The following VCP variants were observed in gnomAD, a reference collection of about 807,000 sequenced individuals.
VCP encodes valosin containing protein, also known as transitional endoplasmic reticulum ATPase.
Under a neutral mutation model 85.7 loss-of-function variants are expected in VCP, and 6 were observed. The ratio of observed to expected loss-of-function variants is 0.07; its 90% CI spans 0.04 to 0.14. VCP has a LOEUF of 0.14. Ranked by LOEUF, VCP falls within the 10% of genes least tolerant of loss-of-function variation. The pLI, the probability that VCP is intolerant of heterozygous loss-of-function variation, is 1.00. For missense variants in VCP, 353 were observed against 1,043.4 expected, an observed-to-expected ratio of 0.34 and a Z score of 9.12; for synonymous variants, 384 against 367.1, an observed-to-expected ratio of 1.05 and a Z score of -0.53.
At position 35,059,491 on chromosome 9, in the gene VCP, G is replaced by A; in HGVS notation, c.2004+2C>T. 1 of 1,613,800 alleles carries A rather than the reference G, an allele frequency of 6.2e-7. No individual in the cohort carries two copies. Among genetic ancestry groups the A allele is most frequent in the Non-Finnish European group, 8.5e-7 (1 of 1,180,028 alleles). On this transcript the variant is annotated splice_donor_variant, in intron 14 of 16. Transcript: ENST00000358901. LOFTEE classifies it low-confidence loss of function (GC_TO_GT_DONOR). The surrounding 1 kb of genome is among the most constrained non-coding windows in gnomAD (Gnocchi z 4.9). ...TCCCACAGCCCATGATCTTGCACCT[G>A]CCTTGGCAACTGGGGACTTGCGCAG... is the stretch of plus-strand genomic sequence containing the variant.
In VCP at chr9:35,072,381, G is replaced by A; in HGVS notation, c.-28C>T. On this transcript the variant is annotated 5_prime_UTR_variant, in exon 1 of 17. Coordinates refer to ENST00000358901, the MANE Select transcript of VCP (RefSeq NM_007126.5). ...CGCGCGCCTCTCCCGGCCGGCGGCT[G>A]TGGCGGCCCGCGGGTAACGGCTACG... 1.4e-6 allele frequency: 2 copies of A among 1,474,086 alleles called. No individual in the cohort carries two copies. The highest frequency in any genetic ancestry group is 8.9e-7 in the Non-Finnish European group (1 of 1,118,988). The allele number at this position is 1,474,086 out of a possible 1,614,324, so 91.3% of individuals were successfully genotyped here. A position where few individuals can be genotyped will look rare whatever the true frequency, so the allele number is the denominator to read the frequency against.
intron 15 of VCP, 69 bp from the exon 16 acceptor site, chr9:35,057,599 A>T (rs916035034): frequency 6.3e-7 from 1 of 1,589,668 alleles, no homozygotes; most frequent in Admixed American, 1.7e-5. Context: ...CAGGCCTCCC[A>T]TTACTGCAGT....
intron 3 of VCP, among the ~76,000 whole-genome samples, chr9:35,067,391 C>T (rs1239483842): frequency 2.0e-5 from 3 of 152,100 alleles, no homozygotes; most frequent in Admixed American, 6.5e-5. Context: ...AAATCACTCA[C>T]ATTGAGAGCT....
chr9:35,067,935 T>C lies in VCP; in HGVS notation c.258A>G (p.Arg86=), dbSNP rs1563980979. 8 of 1,614,160 alleles carry C rather than the reference T, an allele frequency of 5.0e-6. No homozygotes were observed. The highest frequency in any genetic ancestry group is 6.8e-6 in the Non-Finnish European group (8 of 1,180,036). The stretch of plus-strand genomic sequence containing the variant: ...GTACACGAAGGTTATTCCGAACAAC[T>C]CTATTCATCCGAATCTTCTCATCAG... The part of the protein sequence containing the change: ...TCSDEKIRMN[R]VVRNNLRVRL... The change falls in exon 3 of 17, where the codon AGA becomes AGG. Residue 86 remains arginine, a synonymous_variant. Coordinates refer to ENST00000358901, the MANE Select transcript of VCP (RefSeq NM_007126.5).
intron 15 of VCP, among the ~76,000 whole-genome samples, chr9:35,058,206 G>A (rs1179752812): frequency 6.6e-6 from 1 of 152,170 alleles, no homozygotes; most frequent in Non-Finnish European, 1.5e-5. Flanking sequence ...TAGTTCATCA[G>A]TAGTTGTTAA....
intron 1 of VCP, among the ~76,000 whole-genome samples, chr9:35,069,652 ATGG>A (rs1828901616): frequency 6.6e-6 from 1 of 152,126 alleles, no homozygotes; most frequent in Admixed American, 6.5e-5. Context: ...GGGTTTCACC[ATGG>A]TGGTCAGGCT....
At chr9:35,064,900 C>A (rs1191568773) in intron 5 of VCP, among the ~76,000 whole-genome samples, 1 of 152,178 alleles carries the variant, frequency 6.6e-6, no homozygotes, top group African/African-American at 2.4e-5. Flanking sequence ...CAGAGTCTCA[C>A]TCTGTCACCC....
intron 7 of VCP, among the ~76,000 whole-genome samples, 190 bp from the exon 8 acceptor site, chr9:35,062,540 C>A (rs1249550258): frequency 6.6e-6 from 1 of 152,160 alleles, no homozygotes; most frequent in Non-Finnish European, 1.5e-5. Context: ...GAGAGAAGCC[C>A]AGGGACTCAC....
At position 35,061,670 on chromosome 9, in the gene VCP, T is replaced by G; in HGVS notation, c.1101A>C (p.Val367=). The change falls in exon 10 of 17, where the codon GTA becomes GTC. Residue 367 remains valine, a synonymous_variant. Transcript: ENST00000358901. ...LRRFGRFDRE[V]DIGIPDATGR... Reference sequence around the variant, plus strand: ...CTGTAGCATCAGGAATTCCAATATCTACCTCCCTGTCAAAGCGACCTGTGG... The same window carrying G: ...CTGTAGCATCAGGAATTCCAATATCGACCTCCCTGTCAAAGCGACCTGTGG... The G allele has an allele frequency of 6.2e-7, 1 of 1,613,860 alleles. No individual in the cohort carries two copies. The highest frequency in any genetic ancestry group is 8.5e-7 in the Non-Finnish European group (1 of 1,179,946).
chr9:35,070,426 C>A (rs1828917608), intron 1 of VCP, among the ~76,000 whole-genome samples: 1 of 152,160 alleles, frequency 6.6e-6, no homozygotes, highest in South Asian at 2.1e-4. Flanking sequence ...CCAGATGCCT[C>A]TAGTCACCAT....
Position 35,067,879 on chromosome 9 carries a change from C to T in VCP, c.302+12G>A, listed in dbSNP as rs1293215454. 1 of 1,614,044 alleles carries T rather than the reference C, an allele frequency of 6.2e-7. No homozygotes were observed. The highest frequency in any genetic ancestry group is 8.5e-7 in the Non-Finnish European group (1 of 1,180,042). On this transcript the variant is annotated intron_variant, in intron 3 of 16. Coordinates refer to ENST00000358901, the MANE Select transcript of VCP (RefSeq NM_007126.5). ...CCTCCCATCCCTGTGAAGCCAAAAA[C>T]CCCACACACACCTGATGACATCCCC...
At chr9:35,058,184 A>T (rs1340895195) in intron 15 of VCP, among the ~76,000 whole-genome samples, 1 of 151,966 alleles carries the variant, frequency 6.6e-6, no homozygotes, top group African/African-American at 2.4e-5. Flanking sequence ...TTATGTGACT[A>T]CCTCCTAGGA....
rs1306538923 is a variant in VCP, at chr9:35,059,003, G to A, written c.2160+61C>T. 4 of 1,606,558 alleles carry A rather than the reference G, an allele frequency of 2.5e-6. No individual in the cohort carries two copies. In the African/African-American group the frequency reaches 4.0e-5, roughly 16 times the overall value. On this transcript the variant is annotated intron_variant, in intron 15 of 16. Transcript: ENST00000358901. The surrounding 1 kb of genome is among the most constrained non-coding windows in gnomAD (Gnocchi z 4.9). ...GCTTCTACTCTCAACTCCAGGGCAT[G>A]GTGGTGGCTGCTGCCTGGCTCTCCA...
rs1195841959 is a variant in VCP at position 35,072,255 on chromosome 9, G to A, written c.17+82C>T. On this transcript the variant is annotated intron_variant, in intron 1 of 16. Coordinates refer to ENST00000358901, the MANE Select transcript of VCP (RefSeq NM_007126.5). The stretch of plus-strand genomic sequence containing the variant: ...GTCTCCACCTCTCTGACGCGCCCAC[G>A]GCCAGGCCCCGCCGGGCCTACCCTG... 21 of 1,475,124 alleles carry A rather than the reference G, an allele frequency of 1.4e-5. No homozygotes were observed. In the South Asian group the frequency reaches 1.9e-4, roughly 13 times the overall value. The allele number at this position is 1,475,124 out of a possible 1,614,324, so 91.4% of individuals were successfully genotyped here.
Position 35,072,447 on chromosome 9 carries a change from C to A in VCP, c.-94G>T, listed in dbSNP as rs1828979049. On this transcript the variant is annotated 5_prime_UTR_variant, in exon 1 of 17. Transcript: ENST00000358901. ...CCGACTGGGCCGGGGCTCGGCTCTTCCAGGCGGTGGGCGAGCAGCGGCGAC... is the reference window on the plus strand; with the variant it reads ...CCGACTGGGCCGGGGCTCGGCTCTTACAGGCGGTGGGCGAGCAGCGGCGAC... 7.3e-7 allele frequency: 1 copy of A among 1,371,324 alleles called. No homozygotes were observed. The highest frequency in any genetic ancestry group is 9.4e-7 in the Non-Finnish European group (1 of 1,060,886). The allele number at this position is 1,371,324 out of a possible 1,614,324, so 84.9% of individuals were successfully genotyped here.
chr9:35,059,882 C>T lies in VCP; in HGVS notation c.1696-81G>A, dbSNP rs1462903637. Reference sequence around the variant, plus strand: ...ACGTGGTGGCTCACACCTGTATTCCCAGCACTTTGGGAGGCCAAGGTGGGA... The same window carrying T: ...ACGTGGTGGCTCACACCTGTATTCCTAGCACTTTGGGAGGCCAAGGTGGGA... On this transcript the variant is annotated intron_variant, in intron 13 of 16. Coordinates refer to ENST00000358901, the MANE Select transcript of VCP (RefSeq NM_007126.5). This position sits in a 1 kb window ranked among gnomAD's most constrained non-coding sequence, Gnocchi z 4.9. 6.3e-6 allele frequency: 10 copies of T among 1,589,376 alleles called. No homozygotes were observed. The East Asian group carries it at 6.7e-5, about 11-fold the overall frequency.
chr9:35,062,171 G>A (rs1173610866), intron 8 of VCP, 33 bp from the exon 9 acceptor site: 1 of 1,614,054 alleles, frequency 6.2e-7, no homozygotes, highest in Non-Finnish European at 8.5e-7. Context: ...CAGAAGTGAA[G>A]TCAGGGCCTT....
intron 15 of VCP, among the ~76,000 whole-genome samples, chr9:35,058,727 A>G (rs906123311): frequency 1.3e-5 from 2 of 152,226 alleles, no homozygotes; most frequent in Non-Finnish European, 2.9e-5. Flanking sequence ...AGATCGTGCC[A>G]CTGCACTCCA....
At chr9:35,069,910 G>A (rs1322733581) in intron 1 of VCP, among the ~76,000 whole-genome samples, 3 of 152,138 alleles carry the variant, frequency 2.0e-5, no homozygotes, top group Admixed American at 1.3e-4. Context: ...TATGTACCAG[G>A]CATTGTTCTA....
Sources: gnomAD v4.1 joint callset for allele counts (sites outside exome capture counted in the v4.1 genomes callset) on GRCh38, gnomAD v4.1.1 for gene constraint, Gnocchi (gnomAD v3.1) non-coding constraint, MANE v1.5 for transcripts, NCBI Gene and HGNC (gene_info 2026-07-23, HGNC 2026-07-21) for gene names.